The following DOCK8 variants were observed in gnomAD, a reference collection of about 807,000 sequenced individuals.
DOCK8 encodes the protein dedicator of cytokinesis protein 8.
DOCK8 carries 141 observed loss-of-function variants against 245.6 expected under a neutral mutation model. The observed-to-expected ratio is 0.57, with a 90% CI of 0.50 to 0.66. The LOEUF (loss-of-function observed/expected upper bound fraction) is 0.66. Among genes scored for constraint, DOCK8 ranks in the 30% least tolerant of loss-of-function variants. DOCK8 has a pLI of 0.00. For synonymous variants in DOCK8, 1,168 were observed against 970.2 expected (o/e 1.20, Z -3.79); for missense variants, 2,965 against 2,603.4 (o/e 1.14, Z -3.02).
intron 1 of DOCK8, among the ~76,000 whole-genome samples, chr9:243,278 G>C (rs984318248): frequency 1.3e-5 from 2 of 152,068 alleles, no homozygotes; most frequent in African/African-American, 4.8e-5. Flanking sequence ...ATTTCAATTC[G>C]CGTCTAGCCC....
chr9:346,142 G>A (rs1242808169), intron 14 of DOCK8, among the ~76,000 whole-genome samples: 1 of 152,008 alleles, frequency 6.6e-6, no homozygotes, highest in African/African-American at 2.4e-5. Context: ...CAGCAATTCT[G>A]AAAGCAGAGC....
At chr9:426,441 A>G (rs2056504753) in intron 33 of DOCK8, among the ~76,000 whole-genome samples, 1 of 152,158 alleles carries the variant, frequency 6.6e-6, no homozygotes, top group Admixed American at 6.5e-5. Flanking sequence ...CAGCCGCATC[A>G]CTGCCAAGTT....
At chr9:386,479 C>T in intron 23 of DOCK8, 53 bp downstream of exon 23, 1 of 1,487,952 alleles carries the variant, frequency 6.7e-7, no homozygotes, top group Non-Finnish European at 9.3e-7. Context: ...AGAAGGATTT[C>T]CTCATGCCCT....
At chr9:395,971 A>G (rs953902065) in intron 24 of DOCK8, among the ~76,000 whole-genome samples, 28 of 152,250 alleles carry the variant, frequency 1.8e-4, no homozygotes, top group African/African-American at 6.5e-4. Context: ...TAACCACAGT[A>G]TACACCAGTT....
intron 1 of DOCK8, among the ~76,000 whole-genome samples, chr9:255,397 G>C (rs1254459502): frequency 6.6e-6 from 1 of 152,128 alleles, no homozygotes; most frequent in Admixed American, 6.5e-5. Context: ...GCAGAGCGCG[G>C]TGGCTCATGC....
Position 325,747 on chromosome 9 carries a change from C to G in DOCK8, c.894+10C>G, listed in dbSNP as rs146595893. 7.4e-6 allele frequency: 12 copies of G among 1,611,784 alleles called. No individual in the cohort carries two copies. The African/African-American group carries it at 1.1e-4, about 14-fold the overall frequency. On this transcript the variant is annotated intron_variant, in intron 8 of 47. Coordinates refer to ENST00000432829, the MANE Select transcript of DOCK8 (RefSeq NM_203447.4). ...TAAAGAAAGGAAAAAGGTAAGAAAGCAAAGAAAAATCCATCCCTAAGGCAC... is the reference window on the plus strand; with the variant it reads ...TAAAGAAAGGAAAAAGGTAAGAAAGGAAAGAAAAATCCATCCCTAAGGCAC...
Position 278,066 on chromosome 9 carries a change from G to A in DOCK8, c.156+6337G>A, listed in dbSNP as rs550982672. 3.5e-4 allele frequency among the ~76,000 whole-genome samples: 53 copies of A among 152,306 alleles called. 1 individual carries two copies. Among genetic ancestry groups the A allele is most frequent in the Middle Eastern group, 6.8e-3 (2 of 294 alleles). On this transcript the variant is annotated intron_variant, in intron 2 of 47. Coordinates refer to ENST00000432829, the MANE Select transcript of DOCK8 (RefSeq NM_203447.4). ...CTGATTGCACTGGAAGGGACATGACGGAAAATGAAGATCTCAAGATAATTT... is the reference window on the plus strand; with the variant it reads ...CTGATTGCACTGGAAGGGACATGACAGAAAATGAAGATCTCAAGATAATTT...
intron 1 of DOCK8, among the ~76,000 whole-genome samples, chr9:234,425 T>C (rs2047199038): frequency 6.6e-6 from 1 of 152,226 alleles, no homozygotes; most frequent in African/African-American, 2.4e-5. Flanking sequence ...CTGTATTTTC[T>C]GAATTTCAGT....
chr9:223,935 T>G (rs184390900), intron 1 of DOCK8, among the ~76,000 whole-genome samples: 59 of 152,288 alleles, frequency 3.9e-4, no homozygotes, highest in African/African-American at 1.2e-3. Context: ...TGGTATAGCT[T>G]CTGGAGGGAT....
At chr9:337,467 A>G (rs139910816) in intron 12 of DOCK8, among the ~76,000 whole-genome samples, 1,611 of 152,262 alleles carry the variant, frequency 0.011, 29 homozygotes, top group African/African-American at 0.036. Context: ...TCATTATGCT[A>G]TGACAACAGT....
intron 7 of DOCK8, among the ~76,000 whole-genome samples, chr9:325,169 A>G (rs2050704467): frequency 6.6e-6 from 1 of 152,220 alleles, no homozygotes; most frequent in Admixed American, 6.5e-5. Context: ...ATGGATAAGC[A>G]GTATTCCATA....
chr9:234,900 C>G (rs1393058447), intron 1 of DOCK8, among the ~76,000 whole-genome samples: 2 of 152,190 alleles, frequency 1.3e-5, no homozygotes, highest in Non-Finnish European at 2.9e-5. Context: ...CTCAACTCAT[C>G]AAAGTCATTC....
chr9:219,413 G>C (rs2046834935), intron 1 of DOCK8, among the ~76,000 whole-genome samples: 1 of 152,176 alleles, frequency 6.6e-6, no homozygotes, highest in Non-Finnish European at 1.5e-5. Context: ...GGAGGCTACA[G>C]TGAGCTGAGA....
At chr9:216,555 A>AAAAAAAAAAG (rs2046758639) in intron 1 of DOCK8, among the ~76,000 whole-genome samples, 2 of 142,358 alleles carry the variant, frequency 1.4e-5, no homozygotes, top group East Asian at 2.0e-4. Context: ...AAAAAAAAAA[A>AAAAAAAAAAG]GCAAAAACAA....
At chr9:292,191 AG>A (rs1259169716) in intron 4 of DOCK8, among the ~76,000 whole-genome samples, 5 of 150,770 alleles carry the variant, frequency 3.3e-5, no homozygotes, top group African/African-American at 9.8e-5. Context: ...ACCAACATGG[AG>A]AAACCCAGTC....
chr9:399,987 TCCCACCA>T (rs2054675564), intron 26 of DOCK8, among the ~76,000 whole-genome samples: 1 of 90,792 alleles, frequency 1.1e-5, no homozygotes, highest in African/African-American at 5.5e-5. Flanking sequence ...CATCACCACC[TCCCACCA>T]CCTCCACCAC....
chr9:370,107 C>G, intron 15 of DOCK8, 123 bp from the exon 16 acceptor site: 2 of 864,116 alleles, frequency 2.3e-6, no homozygotes, highest in Non-Finnish European at 3.9e-6. Flanking sequence ...CTGGCCAACC[C>G]AGCACTCTTA....
chr9:356,399 A>G lies in DOCK8; in HGVS notation c.1680-11619A>G, dbSNP rs191003894. On this transcript the variant is annotated intron_variant, in intron 14 of 47. Coordinates refer to ENST00000432829, the MANE Select transcript of DOCK8 (RefSeq NM_203447.4). ...AAAAAAACTAGCCAGGCGTGGTAGCAGGCGCCTGTAATCCCAGCTACTCCG... is the reference window on the plus strand; with the variant it reads ...AAAAAAACTAGCCAGGCGTGGTAGCGGGCGCCTGTAATCCCAGCTACTCCG... Among the ~76,000 whole-genome samples the G allele has an allele frequency of 1.3e-3, 194 of 152,116 alleles. 2 individuals carry two copies. Among genetic ancestry groups the G allele is most frequent in the Non-Finnish European group, 2.2e-3 (151 of 67,974 alleles).
At chr9:365,984 CAG>C (rs757995735) in intron 14 of DOCK8, 23 of 211,516 alleles carry the variant, frequency 1.1e-4, no homozygotes, top group Non-Finnish European at 1.8e-4. Flanking sequence ...TCTGTTTAGA[CAG>C]AGCACGATTT....
Sources: allele counts gnomAD v4.1 joint callset (sites outside exome capture counted in the v4.1 genomes callset), GRCh38; gene constraint gnomAD v4.1.1; transcripts MANE v1.5; gene names NCBI Gene and HGNC (gene_info 2026-07-23, HGNC 2026-07-21).